Variants in SND1 observed in about 807,000 individuals in gnomAD.
The protein encoded by SND1 is staphylococcal nuclease domain-containing protein 1.
Under a neutral mutation model 121.7 loss-of-function variants are expected in SND1, and 38 were observed. The observed-to-expected ratio is 0.31, with a 90% CI of 0.24 to 0.41. The LOEUF is 0.41. SND1 is among the 10% of genes least tolerant of loss of function. The probability of loss-of-function intolerance (pLI) is 1.00; values close to 1 mark genes in which losing one functional copy is unlikely to be tolerated. For synonymous variants in SND1, 401 were observed against 447.4 expected, an observed-to-expected ratio of 0.90 and a Z score of 1.31; for missense variants, 868 against 1,184.6, an observed-to-expected ratio of 0.73 and a Z score of 3.92.
intron 16 of SND1, among the ~76,000 whole-genome samples, chr7:128,045,446 A>C (rs1792929587): frequency 6.6e-6 from 1 of 152,220 alleles, no homozygotes; most frequent in South Asian, 2.1e-4. Flanking sequence ...AGAGACTGGA[A>C]TAAAGGACAG....
At chr7:127,880,346 A>G (rs138933144) in intron 12 of SND1, among the ~76,000 whole-genome samples, 261 of 152,302 alleles carry the variant, frequency 1.7e-3, no homozygotes, top group African/African-American at 6.0e-3. Flanking sequence ...GAAAAAATAC[A>G]GAGTTCAGTA....
At chr7:127,774,906 T>TAC (rs1797586846) in intron 10 of SND1, among the ~76,000 whole-genome samples, 1 of 152,206 alleles carries the variant, frequency 6.6e-6, no homozygotes. Context: ...ATTTTTACTG[T>TAC]ACCTTTTCTA....
chr7:128,069,818 G>T lies in SND1; in HGVS notation c.1780-4684G>T, dbSNP rs557048815. The stretch of plus-strand genomic sequence containing the variant: ...AAGTGGCACCCCAGAATTCATGCAG[G>T]TCTAGATAGTCTGGAGCCAGAGTCC... On this transcript the variant is annotated intron_variant, in intron 16 of 23. Coordinates refer to ENST00000354725, the MANE Select transcript of SND1 (RefSeq NM_014390.4). Among the ~76,000 whole-genome samples the T allele has an allele frequency of 2.6e-5, 4 of 152,276 alleles. No individual in the cohort carries two copies. In the South Asian group the frequency reaches 6.2e-4, roughly 24 times the overall value.
chr7:127,875,946 T>G (rs1799681260), intron 12 of SND1, among the ~76,000 whole-genome samples: 1 of 152,252 alleles, frequency 6.6e-6, no homozygotes, highest in South Asian at 2.1e-4. Context: ...TTGTAACCTT[T>G]CTGTGCTTCA....
chr7:127,759,099 T>TAGATAGATAGATAGATAGGC (rs1268977068), intron 10 of SND1, among the ~76,000 whole-genome samples: 114 of 152,004 alleles, frequency 7.5e-4, no homozygotes, highest in Admixed American at 2.3e-3. Context: ...GATAGATAGA[T>TAGATAGATAGATAGATAGGC]AGGCAGGCAG....
intron 11 of SND1, among the ~76,000 whole-genome samples, chr7:127,840,599 T>A (rs1798946797): frequency 6.6e-6 from 1 of 152,226 alleles, no homozygotes; most frequent in Non-Finnish European, 1.5e-5. Context: ...TAGACGAAGA[T>A]GTTGCTAAGA....
intron 14 of SND1, among the ~76,000 whole-genome samples, chr7:127,924,206 G>A (rs1463812083): frequency 6.6e-6 from 1 of 151,946 alleles, no homozygotes; most frequent in Non-Finnish European, 1.5e-5. Context: ...AGGATTGATG[G>A]GCTTCTTTCT....
intron 16 of SND1, among the ~76,000 whole-genome samples, chr7:128,056,022 C>G (rs1373391978): frequency 1.3e-5 from 2 of 152,230 alleles, no homozygotes; most frequent in Non-Finnish European, 2.9e-5. Flanking sequence ...AAGTTCTTCT[C>G]TAAGCCTCCA....
chr7:128,013,374 G>A (rs1304685706), intron 16 of SND1, among the ~76,000 whole-genome samples: 3 of 152,246 alleles, frequency 2.0e-5, no homozygotes, highest in East Asian at 1.9e-4. Context: ...GCAGGGTGCG[G>A]ATCACTATAC....
At chr7:127,730,079 C>T (rs1427601390) in intron 10 of SND1, among the ~76,000 whole-genome samples, 1 of 152,214 alleles carries the variant, frequency 6.6e-6, no homozygotes, top group Non-Finnish European at 1.5e-5. Context: ...AGCGATTCTC[C>T]TGTCTCAGCC....
rs1003046458 is a variant in SND1 at position 128,031,771 on chromosome 7, ACCGCCCGTCG to A, written c.1779+40723_1779+40732del. On this transcript the variant is annotated intron_variant, in intron 16 of 23. Coordinates refer to ENST00000354725, the MANE Select transcript of SND1 (RefSeq NM_014390.4). ...CGGCCGCAGCCCCCGGCGGCGCGCA[ACCGCCCGTCG>A]CCGCCCGCCGCTGCCCGGCCCCCGG... is the stretch of plus-strand genomic sequence containing the variant. The A allele has an allele frequency of 1.3e-4, 19 of 142,932 alleles. 1 individual carries two copies. Among genetic ancestry groups the A allele is most frequent in the Admixed American group, 3.4e-4 (5 of 14,556 alleles). 8.9% of individuals were successfully genotyped at this position (142,932 alleles called of 1,614,324 possible).
intron 16 of SND1, among the ~76,000 whole-genome samples, chr7:128,035,488 T>C (rs1792731721): frequency 6.6e-6 from 1 of 152,228 alleles, no homozygotes; most frequent in South Asian, 2.1e-4. Context: ...TTGGAGATTA[T>C]CTGGATTTAA....
intron 12 of SND1, among the ~76,000 whole-genome samples, chr7:127,868,094 A>G (rs987585665): frequency 2.6e-5 from 4 of 152,064 alleles, no homozygotes; most frequent in Admixed American, 2.6e-4. Flanking sequence ...GCTTACTTAT[A>G]ATAAGACTCA....
chr7:128,059,203 A>G (rs1793191715), intron 16 of SND1, among the ~76,000 whole-genome samples: 1 of 152,128 alleles, frequency 6.6e-6, no homozygotes, highest in Non-Finnish European at 1.5e-5. Context: ...CCTACCTGAA[A>G]GAGTTTCCCG....
At chr7:127,925,401 A>G (rs1800808022) in intron 14 of SND1, among the ~76,000 whole-genome samples, 1 of 152,248 alleles carries the variant, frequency 6.6e-6, no homozygotes, top group East Asian at 1.9e-4. Context: ...ACATAGTGGC[A>G]GAAAACTGGC....
At chr7:128,084,954 TG>T in intron 19 of SND1, 107 bp downstream of exon 19, 1 of 1,179,646 alleles carries the variant, frequency 8.5e-7, no homozygotes, top group South Asian at 1.7e-5. Flanking sequence ...AGCTGGTTAA[TG>T]ATGGCCCCTA....
chr7:127,967,371 T>C (rs1361976744), intron 15 of SND1, among the ~76,000 whole-genome samples: 2 of 152,198 alleles, frequency 1.3e-5, no homozygotes, highest in Non-Finnish European at 1.5e-5. Context: ...AAAATGTGTT[T>C]GCTGAAATCA....
At position 127,874,504 on chromosome 7, in the gene SND1, T is replaced by C. The variant is rs137868280; in HGVS notation, c.1344-13398T>C. On this transcript the variant is annotated intron_variant, in intron 12 of 23. Transcript: ENST00000354725. ...CTGAGTGACTACACAAACTCTCAAT[T>C]CCTACTCCCGCCATCAATGACTTGA... 7.1e-3 allele frequency among the ~76,000 whole-genome samples: 1,073 copies of C among 152,198 alleles called. 3 individuals are homozygous for C. The highest frequency in any genetic ancestry group is 0.011 in the Non-Finnish European group (734 of 67,998).
At chr7:128,045,561 T>C (rs1445969207) in intron 16 of SND1, among the ~76,000 whole-genome samples, 2 of 152,178 alleles carry the variant, frequency 1.3e-5, no homozygotes, top group African/African-American at 4.8e-5. Flanking sequence ...GAAAAAGACA[T>C]ATGTAACTGT....
Sources: allele counts gnomAD v4.1 joint callset (sites outside exome capture counted in the v4.1 genomes callset), GRCh38; gene constraint gnomAD v4.1.1; transcripts MANE v1.5; gene names NCBI Gene and HGNC (gene_info 2026-07-23, HGNC 2026-07-21).